The following ADAMTS20 variants were observed in gnomAD, a reference collection of about 807,000 sequenced individuals.
ADAMTS20 encodes the protein A disintegrin and metalloproteinase with thrombospondin motifs 20.
Under a neutral mutation model 260.1 loss-of-function variants are expected in ADAMTS20, and 225 were observed. That is an observed-to-expected ratio of 0.87 (90% CI 0.78 to 0.97). ADAMTS20 has a LOEUF of 0.97. Among genes scored for constraint, ADAMTS20 ranks in the 50% least tolerant of loss-of-function variants. The pLI is 0.00. For missense variants in ADAMTS20, 2,400 were observed against 2,337.7 expected, an observed-to-expected ratio of 1.03 and a Z score of -0.55; for synonymous variants, 802 against 769.5, an observed-to-expected ratio of 1.04 and a Z score of -0.70.
chr12:43,544,205 A>G lies in ADAMTS20; in HGVS notation c.453+6704T>C, dbSNP rs527887942. Among the ~76,000 whole-genome samples, 4 of 152,388 alleles carry G rather than the reference A, an allele frequency of 2.6e-5. No homozygotes were observed. The South Asian group carries it at 8.3e-4, about 32-fold the overall frequency. On this transcript the variant is annotated intron_variant, in intron 2 of 38. Transcript: ENST00000389420. ...TGAATGAACTAATAAATAGAACACA[A>G]TTAACTTAGGTATCATCGGAAGAGA...
intron 28 of ADAMTS20, among the ~76,000 whole-genome samples, chr12:43,401,428 G>C (rs941155486): frequency 1.3e-5 from 2 of 151,842 alleles, no homozygotes; most frequent in African/African-American, 2.4e-5. Flanking sequence ...AGAGGAGACA[G>C]GTTAAATTCC....
At chr12:43,501,481 G>GCGCGCACACACACACACACACACACACA (rs373746834) in intron 4 of ADAMTS20, among the ~76,000 whole-genome samples, 31 of 117,844 alleles carry the variant, frequency 2.6e-4, no homozygotes, top group Admixed American at 1.5e-3. Flanking sequence ...GCGCGCGCGC[G>GCGCGCACACACACACACACACACACACA]CACACACACA....
rs1282404857 is a variant in ADAMTS20 at position 43,440,049 on chromosome 12, T to A, written c.2311A>T (p.Asn771Tyr). 1 of 1,557,566 alleles carries A rather than the reference T, an allele frequency of 6.4e-7. No individual in the cohort carries two copies. The highest frequency in any genetic ancestry group is 8.7e-7 in the Non-Finnish European group (1 of 1,150,186). ...SYLALSDAEG[N>Y]FLFNGNFLLS... ...AGAAAATTTCCATTGAAAAGAAAAT[T>A]CCCTTCAGCGTCAGATAATGCTGTA... The change falls in exon 17 of 39, where the codon AAT (asparagine) becomes TAT (tyrosine). Residue 771 changes from asparagine to tyrosine, a missense_variant. Asn to Tyr is a moderately radical substitution (Grantham distance 143). Coordinates refer to ENST00000389420, the MANE Select transcript of ADAMTS20 (RefSeq NM_025003.5).
At chr12:43,502,999 G>A (rs556170570) in intron 3 of ADAMTS20, among the ~76,000 whole-genome samples, 1 of 152,138 alleles carries the variant, frequency 6.6e-6, no homozygotes, top group Non-Finnish European at 1.5e-5. Flanking sequence ...GATTTATTAT[G>A]TTTGCTTATA....
intron 32 of ADAMTS20, 128 bp from the exon 33 acceptor site, chr12:43,376,781 A>G: frequency 1.8e-6 from 2 of 1,081,746 alleles, no homozygotes; most frequent in South Asian, 3.8e-5. Context: ...AGATACACAG[A>G]AGACACAAAA....
At chr12:43,453,801 C>G in intron 12 of ADAMTS20, 106 bp downstream of exon 12, 1 of 1,309,702 alleles carries the variant, frequency 7.6e-7, no homozygotes, top group South Asian at 1.5e-5. Flanking sequence ...TTCTGAATCT[C>G]AGAAACTTAC....
chr12:43,416,649 T>C (rs951136914), intron 28 of ADAMTS20, among the ~76,000 whole-genome samples: 7 of 151,350 alleles, frequency 4.6e-5, no homozygotes, highest in Admixed American at 1.3e-4. Context: ...GCCTCCCGAG[T>C]AGCTGGGACT....
chr12:43,495,043 T>C (rs1942658073), intron 4 of ADAMTS20, among the ~76,000 whole-genome samples: 1 of 152,222 alleles, frequency 6.6e-6, no homozygotes, highest in African/African-American at 2.4e-5. Context: ...CTATATCCAT[T>C]GTCCCAAGTA....
rs1378262341 is a variant in ADAMTS20, at chr12:43,463,018, C to A, written c.1510-19G>T. 3.9e-6 allele frequency: 6 copies of A among 1,554,724 alleles called. No homozygotes were observed. The African/African-American group carries it at 4.1e-5, about 11-fold the overall frequency. Reference sequence around the variant, plus strand: ...ATATATTCTCCTGAGTAACAAAAGGCAGGCAAGCCAGTGTAAAGATAACAC... The same window carrying A: ...ATATATTCTCCTGAGTAACAAAAGGAAGGCAAGCCAGTGTAAAGATAACAC... On this transcript the variant is annotated intron_variant, in intron 10 of 38. Coordinates refer to ENST00000389420, the MANE Select transcript of ADAMTS20 (RefSeq NM_025003.5).
rs200919756 is a variant in ADAMTS20 at position 43,405,328 on chromosome 12, T to A, written c.4285-6095A>T. ...AGCTACTTGGGAGACTGAGGTGTGATGACTCTTGGAGCCCAGGGGACGGAG... is the reference window on the plus strand; with the variant it reads ...AGCTACTTGGGAGACTGAGGTGTGAAGACTCTTGGAGCCCAGGGGACGGAG... On this transcript the variant is annotated intron_variant, in intron 28 of 38. Transcript: ENST00000389420. Among the ~76,000 whole-genome samples the A allele has an allele frequency of 4.9e-5, 7 of 144,210 alleles. No homozygotes were observed. The East Asian group carries it at 1.4e-3, about 29-fold the overall frequency. The allele number at this position is 144,210 out of a possible 152,430, so 94.6% of individuals were successfully genotyped here.
intron 32 of ADAMTS20, 21 bp from the exon 33 acceptor site, chr12:43,376,674 G>A (rs1020316380): frequency 1.3e-6 from 2 of 1,590,030 alleles, no homozygotes; most frequent in Admixed American, 1.9e-5. Flanking sequence ...AGTAAAATTT[G>A]AAGGCAAACT....
chr12:43,513,564 T>A (rs1942954027), intron 3 of ADAMTS20, among the ~76,000 whole-genome samples: 1 of 152,188 alleles, frequency 6.6e-6, no homozygotes, highest in African/African-American at 2.4e-5. Context: ...TTACTGGGTA[T>A]ATACCCAAAG....
intron 16 of ADAMTS20, among the ~76,000 whole-genome samples, chr12:43,441,471 T>C (rs1941665323): frequency 6.6e-6 from 1 of 150,876 alleles, no homozygotes; most frequent in African/African-American, 2.4e-5. Context: ...AAGTTTAAGT[T>C]GTTGTGATTA....
In ADAMTS20 at chr12:43,369,577, A is replaced by G. The variant is rs146167712; in HGVS notation, c.5447-196T>C. Among the ~76,000 whole-genome samples, 14 of 152,250 alleles carry G rather than the reference A, an allele frequency of 9.2e-5. No homozygotes were observed. In the East Asian group the frequency reaches 2.7e-3, roughly 29 times the overall value. On this transcript the variant is annotated intron_variant, in intron 36 of 38. Coordinates refer to ENST00000389420, the MANE Select transcript of ADAMTS20 (RefSeq NM_025003.5). Reference sequence around the variant, plus strand: ...ATTGAACAAATTTTGTTTAATATAAAAATGTTCATATCATAAATTGCCCTA... The same window carrying G: ...ATTGAACAAATTTTGTTTAATATAAGAATGTTCATATCATAAATTGCCCTA...
intron 2 of ADAMTS20, among the ~76,000 whole-genome samples, chr12:43,534,634 A>G (rs571611745): frequency 3.2e-4 from 49 of 152,282 alleles, no homozygotes; most frequent in South Asian, 1.9e-3. Flanking sequence ...GCATCCCTTG[A>G]GGTTATAAAC....
At position 43,399,152 on chromosome 12, in the gene ADAMTS20, TTG is replaced by T; in HGVS notation, c.4364_4365del (p.Thr1455LysfsTer15). The T allele has an allele frequency of 6.4e-7, 1 of 1,564,602 alleles. No homozygotes were observed. Among genetic ancestry groups the T allele is most frequent in the Non-Finnish European group, 8.7e-7 (1 of 1,152,948 alleles). On this transcript the variant is annotated frameshift_variant, in exon 29 of 39. Transcript: ENST00000389420. LOFTEE classifies it high-confidence loss of function. The part of the protein sequence containing the change: ...IDQFQRKLED[T>X]NCSQVQKPPT... ...GGAGGTTTCTGTACTTGACTGCAAT[TTG>T]TGTCTTCTAATTTCCTTTGGAATTG...
At chr12:43,401,793 A>G (rs1940815720) in intron 28 of ADAMTS20, among the ~76,000 whole-genome samples, 1 of 151,182 alleles carries the variant, frequency 6.6e-6, no homozygotes, top group Admixed American at 6.6e-5. Flanking sequence ...CTTAATAGCA[A>G]ACCAAACTTA....
chr12:43,431,330 A>T lies in ADAMTS20; in HGVS notation c.3261+2T>A, dbSNP rs1362175305. 6.2e-7 allele frequency: 1 copy of T among 1,613,424 alleles called. No individual in the cohort carries two copies. The highest frequency in any genetic ancestry group is 8.5e-7 in the Non-Finnish European group (1 of 1,179,462). On this transcript the variant is annotated splice_donor_variant, in intron 22 of 38. Transcript: ENST00000389420. LOFTEE classifies it high-confidence loss of function. ...TTAGAAAAACCCATATCATATACTC[A>T]CAGGACCCCATGGTCCTACTTGCCA...
chr12:43,513,115 C>G (rs1478355321), intron 3 of ADAMTS20, among the ~76,000 whole-genome samples: 1 of 152,140 alleles, frequency 6.6e-6, no homozygotes, highest in Non-Finnish European at 1.5e-5. Context: ...CTGATACTGT[C>G]CTTTCATCTA....
Sources: allele counts gnomAD v4.1 joint callset (sites outside exome capture counted in the v4.1 genomes callset), GRCh38; gene constraint gnomAD v4.1.1; transcripts MANE v1.5; gene names NCBI Gene and HGNC (gene_info 2026-07-23, HGNC 2026-07-21).